RFFL: variants seen among roughly 807,000 people sequenced by gnomAD.
RFFL encodes ring finger and FYVE like domain containing E3 ubiquitin protein ligase.
A neutral mutation model predicts 40.4 loss-of-function variants in RFFL; 16 were observed. The ratio of observed to expected loss-of-function variants is 0.40; its 90% CI spans 0.27 to 0.60. The LOEUF is 0.60. Ranked by LOEUF, RFFL falls within the 20% of genes least tolerant of loss-of-function variation. The probability of loss-of-function intolerance (pLI) is 0.47; values close to 1 mark genes in which losing one functional copy is unlikely to be tolerated. For missense variants in RFFL, 367 were observed against 451.7 expected (o/e 0.81, Z 1.70); for synonymous variants, 154 against 167.9 (o/e 0.92, Z 0.64).
intron 1 of RFFL, among the ~76,000 whole-genome samples, chr17:35,081,840 T>A (rs979073715): frequency 1.3e-5 from 2 of 152,098 alleles, no homozygotes; most frequent in African/African-American, 4.8e-5. Flanking sequence ...AAACTTCAAT[T>A]GTATTACACA....
At position 35,078,759 on chromosome 17, in the gene RFFL, C is replaced by T. The variant is rs1032307515; in HGVS notation, c.-9+10346G>A. On this transcript the variant is annotated intron_variant, in intron 1 of 6. Transcript: ENST00000315249. ...CTTTGGGAGGCCGAGGCAGACAGAT[C>T]GCTTTAGGTCAGGAGTTCGACACCA... Among the ~76,000 whole-genome samples, 25 of 152,256 alleles carry T rather than the reference C, an allele frequency of 1.6e-4. 1 individual carries two copies. In the East Asian group the frequency reaches 3.7e-3, roughly 22 times the overall value.
rs2090982765 is a variant in RFFL at position 35,017,624 on chromosome 17, T to C, written c.592-18A>G. On this transcript the variant is annotated intron_variant, in intron 3 of 6. Coordinates refer to ENST00000394597, the MANE Select transcript of RFFL (RefSeq NM_001017368.2). ...CCATTGGCCTGTGGGAAGAGAAAAG[T>C]AACATCACATCTAGAGATGTCCCAG... 3 of 1,539,380 alleles carry C rather than the reference T, an allele frequency of 1.9e-6. No individual in the cohort carries two copies. The highest frequency in any genetic ancestry group is 2.7e-6 in the Non-Finnish European group (3 of 1,117,168).
At chr17:35,017,451 TCTG>T (rs2090981265) in intron 4 of RFFL, 69 bp downstream of exon 4, 1 of 946,984 alleles carries the variant, frequency 1.1e-6, no homozygotes, top group Admixed American at 2.0e-5. Context: ...TCCACTCGAC[TCTG>T]CTAAGAGGTT....
intron 1 of RFFL, among the ~76,000 whole-genome samples, chr17:35,054,289 A>G (rs1567711802): frequency 6.6e-6 from 1 of 152,186 alleles, no homozygotes; most frequent in Non-Finnish European, 1.5e-5. Flanking sequence ...AAGAACCACA[A>G]TAAATATTTA....
intron 2 of RFFL, among the ~76,000 whole-genome samples, chr17:35,022,803 A>G (rs1174490943): frequency 6.6e-6 from 1 of 152,146 alleles, no homozygotes; most frequent in Non-Finnish European, 1.5e-5. Flanking sequence ...ATCCAAGACA[A>G]ATATTTAGAC....
chr17:35,032,332 G>T (rs1338046821), intron 1 of RFFL, among the ~76,000 whole-genome samples: 1 of 151,996 alleles, frequency 6.6e-6, no homozygotes, highest in Non-Finnish European at 1.5e-5. Flanking sequence ...TCAGCAAGGG[G>T]CCAGCTGGAA....
chr17:35,051,225 T>C (rs2091230061), intron 1 of RFFL, among the ~76,000 whole-genome samples: 5 of 152,200 alleles, frequency 3.3e-5, no homozygotes, highest in Admixed American at 3.3e-4. Flanking sequence ...GCAAGGGCTG[T>C]AAAGGACTAG....
chr17:35,079,029 CA>C (rs941444238), intron 1 of RFFL, among the ~76,000 whole-genome samples: 2 of 151,116 alleles, frequency 1.3e-5, no homozygotes, highest in Non-Finnish European at 3.0e-5. Context: ...AACGGTATAT[CA>C]AAACACACAA....
intron 1 of RFFL, among the ~76,000 whole-genome samples, chr17:35,030,296 A>C (rs2091074246): frequency 6.7e-6 from 1 of 149,414 alleles, no homozygotes; most frequent in South Asian, 2.2e-4. Flanking sequence ...GAACTAGTTT[A>C]CAGTCCCACC....
chr17:35,056,747 C>T lies in RFFL; in HGVS notation c.-9+6829G>A, dbSNP rs377189416. Among the ~76,000 whole-genome samples the T allele has an allele frequency of 1.4e-3, 217 of 152,172 alleles. 1 individual carries two copies. The highest frequency in any genetic ancestry group is 5.1e-3 in the African/African-American group (212 of 41,524). ...CCACTGCCATATCCTGCCCTATCTGCGATGATCCTTCTCAAGAAGGGAGAC... is the reference window on the plus strand; with the variant it reads ...CCACTGCCATATCCTGCCCTATCTGTGATGATCCTTCTCAAGAAGGGAGAC... On this transcript the variant is annotated intron_variant, in intron 1 of 6. Coordinates refer to ENST00000394597, the MANE Select transcript of RFFL (RefSeq NM_001017368.2).
upstream of RFFL, among the ~76,000 whole-genome samples, chr17:35,067,184 C>G (rs2091324792): frequency 6.7e-6 from 1 of 149,754 alleles, no homozygotes; most frequent in South Asian, 2.1e-4. Context: ...ATGGTGCAAT[C>G]TCAGCTCACT....
intron 1 of RFFL, among the ~76,000 whole-genome samples, chr17:35,047,333 C>T (rs1270345705): frequency 6.6e-6 from 1 of 152,174 alleles, no homozygotes; most frequent in African/African-American, 2.4e-5. Flanking sequence ...ACGAAAATTA[C>T]TGCAGCCAAA....
intron 1 of RFFL, among the ~76,000 whole-genome samples, chr17:35,057,185 C>A (rs1377279612): frequency 1.3e-5 from 2 of 152,140 alleles, no homozygotes; most frequent in Non-Finnish European, 2.9e-5. Flanking sequence ...TCCCAAAGTG[C>A]TAGGATTACA....
At chr17:35,085,224 A>T (rs1182753417) in intron 1 of RFFL, among the ~76,000 whole-genome samples, 1 of 152,178 alleles carries the variant, frequency 6.6e-6, no homozygotes, top group East Asian at 1.9e-4. Context: ...ACTGAACCCA[A>T]TGTGACCTGT....
chr17:35,055,901 T>C (rs2142362348), intron 1 of RFFL, among the ~76,000 whole-genome samples: 1 of 152,234 alleles, frequency 6.6e-6, no homozygotes, highest in South Asian at 2.1e-4. Flanking sequence ...GCCAACCAGT[T>C]TGAAGACCCT....
chr17:35,021,248 A>G, intron 3 of RFFL, 123 bp downstream of exon 3: 1 of 1,007,816 alleles, frequency 9.9e-7, no homozygotes. Flanking sequence ...AGTAGTCAGA[A>G]AGGCTTCACA....
At chr17:35,087,220 A>C (rs1183930088) in intron 1 of RFFL, among the ~76,000 whole-genome samples, 1 of 152,078 alleles carries the variant, frequency 6.6e-6, no homozygotes, top group Non-Finnish European at 1.5e-5. Flanking sequence ...GTGTGGTTGC[A>C]CATGCCTGAG....
intron 5 of RFFL, among the ~76,000 whole-genome samples, chr17:35,015,722 G>A (rs1223529571): frequency 6.6e-6 from 1 of 152,212 alleles, no homozygotes; most frequent in Non-Finnish European, 1.5e-5. Flanking sequence ...ATAATTTCAG[G>A]AAATGCTAAG....
chr17:35,050,044 T>G (rs2091222982), intron 1 of RFFL, among the ~76,000 whole-genome samples: 1 of 149,454 alleles, frequency 6.7e-6, no homozygotes, highest in African/African-American at 2.5e-5. Context: ...ATCACGCCAT[T>G]GCACTCCAGC....
Sources: gnomAD v4.1 joint callset for allele counts (sites outside exome capture counted in the v4.1 genomes callset) on GRCh38, gnomAD v4.1.1 for gene constraint, MANE v1.5 for transcripts, NCBI Gene and HGNC (gene_info 2026-07-23, HGNC 2026-07-21) for gene names.